The following SNTG1 variants were observed in gnomAD, a reference collection of about 807,000 sequenced individuals.
SNTG1 encodes gamma-1-syntrophin.
A neutral mutation model predicts 74.7 loss-of-function variants in SNTG1; 39 were observed. That is an observed-to-expected ratio of 0.52 (90% confidence interval 0.40 to 0.68). The LOEUF is 0.68. Ranked by LOEUF, SNTG1 falls within the 30% of genes least tolerant of loss-of-function variation. The pLI is 0.00. For missense variants in SNTG1, 685 were observed against 609.5 expected (o/e 1.12, Z -1.30); for synonymous variants, 254 against 217.1 (o/e 1.17, Z -1.49).
intron 17 of SNTG1, among the ~76,000 whole-genome samples, chr8:50,716,526 G>T (rs2131578742): frequency 6.6e-6 from 1 of 151,990 alleles, no homozygotes; most frequent in East Asian, 1.9e-4. Flanking sequence ...GAAGAACATT[G>T]TATTTATTGC....
chr8:50,004,107 T>C (rs1814994176), intron 1 of SNTG1, among the ~76,000 whole-genome samples: 2 of 152,132 alleles, frequency 1.3e-5, no homozygotes, highest in Non-Finnish European at 2.9e-5. Flanking sequence ...AGTGTCCTTG[T>C]GCCTGAGTTA....
chr8:50,080,510 G>T (rs1032977334), intron 1 of SNTG1, among the ~76,000 whole-genome samples: 3 of 152,074 alleles, frequency 2.0e-5, no homozygotes, highest in African/African-American at 7.2e-5. Context: ...TTAAACAGTT[G>T]TGTCTTTTCA....
chr8:50,327,062 T>C (rs2090778425), intron 2 of SNTG1, among the ~76,000 whole-genome samples: 1 of 152,130 alleles, frequency 6.6e-6, no homozygotes. Context: ...GCATATATTG[T>C]ATGATTTCTG....
At chr8:50,102,292 C>T (rs1033758371) in intron 1 of SNTG1, among the ~76,000 whole-genome samples, 4 of 151,662 alleles carry the variant, frequency 2.6e-5, no homozygotes, top group African/African-American at 4.8e-5. Flanking sequence ...TTTTGATTTG[C>T]ATTTCTCTGA....
At chr8:50,018,091 C>A (rs1816498822) in intron 1 of SNTG1, among the ~76,000 whole-genome samples, 2 of 151,928 alleles carry the variant, frequency 1.3e-5, no homozygotes, top group African/African-American at 4.8e-5. Flanking sequence ...TGGCAATATA[C>A]CTTGCATTAA....
In SNTG1 at chr8:50,793,948, G is replaced by C. The variant is rs2095698345; in HGVS notation, c.*1119G>C. ...AATGCCAACTATGCAGGTTGTTTTA[G>C]GTATTTTGTCCTAAGAATGTAAATG... On this transcript the variant is annotated 3_prime_UTR_variant, in exon 19 of 19. Coordinates refer to ENST00000642720, the MANE Select transcript of SNTG1 (RefSeq NM_018967.5). 6.6e-6 allele frequency: 1 copy of C among 151,768 alleles called. No individual in the cohort carries two copies. Among genetic ancestry groups the C allele is most frequent in the Admixed American group, 6.6e-5 (1 of 15,170 alleles). 9.4% of individuals were successfully genotyped at this position (151,768 alleles called of 1,614,324 possible).
intron 1 of SNTG1, among the ~76,000 whole-genome samples, chr8:49,973,545 G>T (rs1336708348): frequency 2.0e-5 from 3 of 151,890 alleles, no homozygotes; most frequent in African/African-American, 4.8e-5. Flanking sequence ...GAGTCTGGCT[G>T]AGGTCCAGAT....
chr8:50,424,154 G>A (rs1207932164), intron 4 of SNTG1, among the ~76,000 whole-genome samples: 1 of 152,134 alleles, frequency 6.6e-6, no homozygotes, highest in African/African-American at 2.4e-5. Flanking sequence ...AAACTGTGAT[G>A]AGGCATTGCA....
chr8:50,749,378 T>A (rs72645822), intron 17 of SNTG1, among the ~76,000 whole-genome samples: 16,268 of 152,040 alleles, frequency 0.11, 1,033 homozygotes, highest in African/African-American at 0.17. Flanking sequence ...ACCATAAAAG[T>A]ACAACGTGAA....
intron 2 of SNTG1, among the ~76,000 whole-genome samples, chr8:50,333,270 C>T (rs2091029010): frequency 6.6e-6 from 1 of 152,100 alleles, no homozygotes; most frequent in Non-Finnish European, 1.5e-5. Flanking sequence ...ACAGGTTTGC[C>T]ATAGAGATTA....
At chr8:50,072,239 A>G (rs1267012715) in intron 1 of SNTG1, among the ~76,000 whole-genome samples, 1 of 152,238 alleles carries the variant, frequency 6.6e-6, no homozygotes, top group African/African-American at 2.4e-5. Flanking sequence ...GAGGAAAAAT[A>G]GTAACTGCTA....
chr8:50,365,518 G>T (rs1439892699), intron 2 of SNTG1, among the ~76,000 whole-genome samples: 1 of 151,974 alleles, frequency 6.6e-6, no homozygotes, highest in Admixed American at 6.6e-5. Flanking sequence ...GAAAATTTCT[G>T]ATATATCTGA....
chr8:50,653,596 C>T (rs1475213108), intron 13 of SNTG1, among the ~76,000 whole-genome samples: 1 of 151,124 alleles, frequency 6.6e-6, no homozygotes, highest in Admixed American at 6.6e-5. Context: ...GTTTATGAAA[C>T]AAACTGTTTA....
intron 15 of SNTG1, among the ~76,000 whole-genome samples, chr8:50,686,922 T>G (rs1231527764): frequency 6.7e-6 from 1 of 148,966 alleles, no homozygotes; most frequent in African/African-American, 2.5e-5. Context: ...GATCATGAGG[T>G]CAGGAGATCG....
In SNTG1 at chr8:50,264,095, A is replaced by T. The variant is rs546473100; in HGVS notation, c.-28+91460A>T. Among the ~76,000 whole-genome samples the T allele has an allele frequency of 1.1e-4, 16 of 152,360 alleles. 1 individual carries two copies. Among genetic ancestry groups the T allele is most frequent in the African/African-American group, 3.8e-4 (16 of 41,582 alleles). On this transcript the variant is annotated intron_variant, in intron 2 of 18. Coordinates refer to ENST00000642720, the MANE Select transcript of SNTG1 (RefSeq NM_018967.5). ...ATTCTCGAATAAACAAGATATCAAA[A>T]TGAGAATTACAACGGAAATTAGAAA... is the stretch of plus-strand genomic sequence containing the variant.
intron 2 of SNTG1, among the ~76,000 whole-genome samples, chr8:50,318,375 C>G (rs2090395598): frequency 6.6e-6 from 1 of 152,204 alleles, no homozygotes. Context: ...AACTTGAGAA[C>G]ACATACTGAC....
intron 12 of SNTG1, among the ~76,000 whole-genome samples, chr8:50,556,118 A>T (rs1483874230): frequency 1.3e-5 from 2 of 152,340 alleles, no homozygotes; most frequent in Non-Finnish European, 2.9e-5. Flanking sequence ...AAACACTGAC[A>T]ATGTAAAATT....
intron 1 of SNTG1, among the ~76,000 whole-genome samples, chr8:49,942,726 A>G (rs993581079): frequency 6.6e-6 from 1 of 152,206 alleles, no homozygotes; most frequent in African/African-American, 2.4e-5. Flanking sequence ...AAGTATGACT[A>G]GATTGAGTTT....
intron 1 of SNTG1, among the ~76,000 whole-genome samples, chr8:49,960,901 G>A (rs1810621843): frequency 6.6e-6 from 1 of 152,158 alleles, no homozygotes; most frequent in Non-Finnish European, 1.5e-5. Context: ...ATCTTACGTG[G>A]ATTAAGGAAA....
Sources: gnomAD v4.1 joint callset for allele counts (sites outside exome capture counted in the v4.1 genomes callset) on GRCh38, gnomAD v4.1.1 for gene constraint, MANE v1.5 for transcripts, NCBI Gene and HGNC (gene_info 2026-07-23, HGNC 2026-07-21) for gene names.